The following RBL2 variants were observed in gnomAD, a reference collection of about 807,000 sequenced individuals.
The protein encoded by RBL2 is RB transcriptional corepressor like 2, also known as retinoblastoma-like protein 2.
In RBL2, 56 loss-of-function variants were observed where a neutral mutation model predicts 126.0. The ratio of observed to expected loss-of-function variants is 0.44; its 90% CI spans 0.36 to 0.56. The LOEUF (loss-of-function observed/expected upper bound fraction) is 0.56, where lower values mean the gene tolerates loss of function less well. Ranked by LOEUF, RBL2 falls within the 20% of genes least tolerant of loss-of-function variation. RBL2 has a pLI of 0.00. For missense variants in RBL2, 1,229 were observed against 1,398.2 expected (o/e 0.88, Z 1.93); for synonymous variants, 454 against 478.5 (o/e 0.95, Z 0.67).
At chr16:53,452,213 G>A (rs1172541068) in intron 5 of RBL2, among the ~76,000 whole-genome samples, 2 of 152,132 alleles carry the variant, frequency 1.3e-5, no homozygotes, top group African/African-American at 4.8e-5. Context: ...TCAAATTTTG[G>A]TACAGAAGAA....
rs780508036 is a variant in RBL2 at position 53,453,535 on chromosome 16, G to C, written c.850G>C (p.Asp284His). The C allele has an allele frequency of 1.5e-5, 25 of 1,613,266 alleles. 1 individual carries two copies. In the Middle Eastern group the frequency reaches 2.1e-3, roughly 138 times the overall value. Residue 284 changes from aspartate (D) to histidine (H), a missense_variant, in exon 6 of 22, where the codon GAT (aspartate) becomes CAT (histidine). Physicochemically the swap from Asp to His is moderately conservative, Grantham distance 81. Around this residue, in one of 2 missense-constraint regions of RBL2, gnomAD observed 1,070 missense variants for 1,274.3 expected, o/e 0.84. Transcript: ENST00000262133. ...CATTGAGAAACTGTGTTCCTTACAT[G>C]ATGGCCTAGTTTTGGAAGCAAAGGG... is the stretch of plus-strand genomic sequence containing the variant. Reference protein sequence around the residue: ...CIIEKLCSLHDGLVLEAKGIK... With the variant: ...CIIEKLCSLHHGLVLEAKGIK...
chr16:53,434,582 C>T lies in RBL2; in HGVS notation c.26C>T (p.Pro9Leu), dbSNP rs2057935152. Residue 9 changes from proline (P) to leucine (L), a missense_variant, in exon 1 of 22, where the codon CCA becomes CTA. Physicochemically the swap from Pro to Leu is moderately conservative, Grantham distance 98 (BLOSUM62 -3). Transcript: ENST00000262133. ...ATGCCGTCGGGAGGTGACCAGTCGC[C>T]ACCGCCCCCGCCTCCCCCTCCGGCG... is the stretch of plus-strand genomic sequence containing the variant. MPSGGDQS[P>L]PPPPPPPAAA... is the part of the protein sequence containing the mutation. The T allele has an allele frequency of 2.6e-6, 4 of 1,535,858 alleles. No individual in the cohort carries two copies. Among genetic ancestry groups the T allele is most frequent in the East Asian group, 4.9e-5 (2 of 40,774 alleles).
At position 53,447,098 on chromosome 16, in the gene RBL2, A is replaced by G. The variant is rs17800727; in HGVS notation, c.629A>G (p.Tyr210Cys). ...IFHFCWVLFIYAKGNFPMISD... is the reference protein window; with the variant it reads ...IFHFCWVLFICAKGNFPMISD... ...CATTTTTGTTGGGTGCTTTTTATAT[A>G]TGCAAAAGGTAAGAAAATAGTAATA... The change falls in exon 4 of 22, where the codon TAT becomes TGT. Residue 210 changes from tyrosine (Y) to cysteine (C), a missense_variant. Physicochemically the swap from Tyr to Cys is radical, Grantham distance 194. This residue lies in a region of RBL2 where 1,070 missense variants were observed against 1,274.3 expected (regional missense o/e 0.84). Transcript: ENST00000262133. 0.26 allele frequency: 398,199 copies of G among 1,530,708 alleles called. 58,385 individuals carry two copies. Among genetic ancestry groups the G allele is most frequent in the Non-Finnish European group, 0.3 (335,030 of 1,113,496 alleles). 94.8% of individuals were successfully genotyped at this position (1,530,708 alleles called of 1,614,324 possible). A position where few individuals can be genotyped will look rare whatever the true frequency, so the allele number is the denominator to read the frequency against.
chr16:53,450,718 T>C (rs1214980752), intron 4 of RBL2, among the ~76,000 whole-genome samples: 2 of 152,216 alleles, frequency 1.3e-5, no homozygotes, highest in East Asian at 3.8e-4. Context: ...CTTGGGATTA[T>C]TAGCCCTGGA....
chr16:53,444,723 C>A (rs553634265), intron 3 of RBL2, among the ~76,000 whole-genome samples: 1 of 152,120 alleles, frequency 6.6e-6, no homozygotes, highest in African/African-American at 2.4e-5. Flanking sequence ...TGGTGTGTGC[C>A]TGTTGTCCCA....
rs996067046 is a variant in RBL2, at chr16:53,467,040, G to A, written c.1864-18G>A. The A allele has an allele frequency of 2.5e-6, 4 of 1,586,646 alleles. No individual in the cohort carries two copies. The highest frequency in any genetic ancestry group is 1.1e-5 in the South Asian group (1 of 89,610). On this transcript the variant is annotated intron_variant, in intron 13 of 21. Coordinates refer to ENST00000262133, the MANE Select transcript of RBL2 (RefSeq NM_005611.4). ...GCTTTTTTGGATACTGGCATTCTGT[G>A]TAACCAATTCTTCATAGGTCATGCC... is the stretch of plus-strand genomic sequence containing the variant.
chr16:53,459,686 T>C (rs2058201265), intron 9 of RBL2, 69 bp downstream of exon 9: 2 of 1,377,662 alleles, frequency 1.5e-6, no homozygotes, highest in Non-Finnish European at 1.9e-6. Context: ...TATTCTTTCA[T>C]TATTAATGCC....
chr16:53,488,029 C>T (rs1306593643), intron 21 of RBL2: 1 of 152,210 alleles, frequency 6.6e-6, no homozygotes, highest in Non-Finnish European at 1.5e-5. Context: ...TACCATTATA[C>T]AACCAGCAAT....
chr16:53,469,234 A>C (rs2058298191), intron 14 of RBL2, among the ~76,000 whole-genome samples: 1 of 152,250 alleles, frequency 6.6e-6, no homozygotes, highest in Admixed American at 6.5e-5. Context: ...TGTCTCAAAA[A>C]ATAAAAAAAA....
At chr16:53,482,595 A>C (rs1351372346) in intron 21 of RBL2, among the ~76,000 whole-genome samples, 1 of 152,172 alleles carries the variant, frequency 6.6e-6, no homozygotes, top group Non-Finnish European at 1.5e-5. Flanking sequence ...AGATCACCTG[A>C]GGTCAGGAGT....
Position 53,481,895 on chromosome 16 carries a change from A to C in RBL2, c.3249+60A>C, listed in dbSNP as rs1457173036. 34 of 1,512,826 alleles carry C rather than the reference A, an allele frequency of 2.2e-5. 1 individual carries two copies. Among genetic ancestry groups the C allele is most frequent in the South Asian group, 2.1e-4 (19 of 88,756 alleles). The allele number at this position is 1,512,826 out of a possible 1,614,324, so 93.7% of individuals were successfully genotyped here. ...TCAAAATGCTTCAGATGCTAGAAAC[A>C]GGGTTTGTGCTAAGCTTAGGCACTC... On this transcript the variant is annotated intron_variant, in intron 21 of 21. Transcript: ENST00000262133.
chr16:53,472,312 A>G (rs370135384), intron 17 of RBL2, among the ~76,000 whole-genome samples: 3 of 152,144 alleles, frequency 2.0e-5, no homozygotes, highest in African/African-American at 7.2e-5. Context: ...TGGTGATACT[A>G]TGTTTAACTT....
At chr16:53,471,793 A>G (rs186253051) in intron 17 of RBL2, among the ~76,000 whole-genome samples, 12 of 152,296 alleles carry the variant, frequency 7.9e-5, no homozygotes, top group Admixed American at 7.2e-4. Context: ...AAGTTGAACA[A>G]TTTAGGAGCA....
chr16:53,449,982 T>C (rs916351972), intron 4 of RBL2, among the ~76,000 whole-genome samples: 1 of 150,376 alleles, frequency 6.6e-6, no homozygotes, highest in African/African-American at 2.4e-5. Context: ...TTTTTTGCCT[T>C]CTATGGCAAG....
intron 11 of RBL2, among the ~76,000 whole-genome samples, chr16:53,463,727 C>G (rs1216829665): frequency 1.3e-5 from 2 of 151,844 alleles, no homozygotes. Flanking sequence ...GCCACCACAC[C>G]TGGCTAATTT....
intron 21 of RBL2, chr16:53,488,612 A>G (rs184550148): frequency 3.9e-5 from 6 of 152,370 alleles, no homozygotes; most frequent in African/African-American, 1.2e-4. Context: ...GCTTATGTCT[A>G]GAACCAATCT....
chr16:53,466,868 A>G (rs2058277513), intron 13 of RBL2, 190 bp from the exon 14 acceptor site: 4 of 517,258 alleles, frequency 7.7e-6, no homozygotes, highest in Admixed American at 7.2e-5. Flanking sequence ...TTAGTATCCA[A>G]TTACAAGGTT....
At chr16:53,480,050 C>T in intron 19 of RBL2, 59 bp downstream of exon 19, 1 of 1,177,426 alleles carries the variant, frequency 8.5e-7, no homozygotes, top group East Asian at 2.4e-5. Flanking sequence ...ACTTTTTAGG[C>T]CTTGAAGAAG....
chr16:53,477,355 T>C (rs1323639857), intron 17 of RBL2, among the ~76,000 whole-genome samples: 2 of 152,226 alleles, frequency 1.3e-5, no homozygotes, highest in Non-Finnish European at 2.9e-5. Flanking sequence ...CTTTCTTTTT[T>C]AAGACTGAGT....
Sources: allele counts gnomAD v4.1 joint callset (sites outside exome capture counted in the v4.1 genomes callset), GRCh38; gene constraint gnomAD v4.1.1; regional missense constraint gnomAD v4.1.1; transcripts MANE v1.5; gene names NCBI Gene and HGNC (gene_info 2026-07-23, HGNC 2026-07-21).